The following SULT1E1 variants were observed in gnomAD, a reference collection of about 807,000 sequenced individuals.
SULT1E1 encodes the protein sulfotransferase 1E1.
In SULT1E1, 36 loss-of-function variants were observed where a neutral mutation model predicts 33.6. The observed-to-expected ratio is 1.07, with a 90% confidence interval of 0.82 to 1.41. SULT1E1 has a LOEUF of 1.41. Among genes scored for constraint, SULT1E1 ranks in the 40% most tolerant of loss-of-function variants. The pLI is 0.00. For synonymous variants in SULT1E1, 121 were observed against 111.7 expected, an observed-to-expected ratio of 1.08 and a Z score of -0.53; for missense variants, 371 against 345.7, an observed-to-expected ratio of 1.07 and a Z score of -0.58.
intron 4 of SULT1E1, among the ~76,000 whole-genome samples, chr4:69,849,914 T>G (rs565058519): frequency 6.6e-6 from 1 of 152,000 alleles, no homozygotes; most frequent in Admixed American, 6.6e-5. Context: ...TGAAATTTAG[T>G]GATAATATAG....
At chr4:69,846,305 C>CAAAAAAAAAAA (rs34408656) in intron 6 of SULT1E1, among the ~76,000 whole-genome samples, 581 of 106,466 alleles carry the variant, frequency 5.5e-3, no homozygotes, top group Middle Eastern at 0.023. Context: ...ACAAAACAAT[C>CAAAAAAAAAAA]AAAAAAAAAA....
chr4:69,821,663 C>T, the SULT1E1 span, among the ~76,000 whole-genome samples: 1 of 152,210 alleles, frequency 6.6e-6, no homozygotes, highest in Non-Finnish European at 1.5e-5. Context: ...CAATCCTTAG[C>T]AGGATGCTCT....
At chr4:69,859,587 G>A (rs1452885124) in intron 1 of SULT1E1, among the ~76,000 whole-genome samples, 1 of 152,050 alleles carries the variant, frequency 6.6e-6, no homozygotes, top group Non-Finnish European at 1.5e-5. Context: ...ATATGTCAAT[G>A]ACCTACATAT....
chr4:69,851,678 T>C (rs1214094805), intron 4 of SULT1E1, among the ~76,000 whole-genome samples: 2 of 152,200 alleles, frequency 1.3e-5, no homozygotes, highest in Non-Finnish European at 2.9e-5. Flanking sequence ...TGAACACGTA[T>C]GTTTATTGTG....
intron 5 of SULT1E1, 38 bp downstream of exon 5, chr4:69,849,389 TCTTATAAAAC>T: frequency 6.3e-7 from 1 of 1,591,676 alleles, no homozygotes; most frequent in East Asian, 2.2e-5. Context: ...ATGGCATTTG[TCTTATAAAAC>T]CTTGAAAAAA....
At chr4:69,856,934 T>TAA (rs1721252965) in intron 2 of SULT1E1, among the ~76,000 whole-genome samples, 1 of 12,230 alleles carries the variant, frequency 8.2e-5, no homozygotes, top group East Asian at 1.9e-3. Context: ...AGACTCCGTC[T>TAA]CAAAAAAAAA....
intron 3 of SULT1E1, among the ~76,000 whole-genome samples, chr4:69,854,666 A>T (rs1362374184): frequency 6.6e-6 from 1 of 152,042 alleles, no homozygotes; most frequent in African/African-American, 2.4e-5. Flanking sequence ...ATAAAATGAA[A>T]TAAAATTTCA....
chr4:69,848,087 GGTGTGTGT>G lies in SULT1E1; in HGVS notation c.497-303_497-296del, dbSNP rs3077575. 7.1e-3 allele frequency among the ~76,000 whole-genome samples: 1,051 copies of G among 148,374 alleles called. 8 individuals are homozygous for G. The highest frequency in any genetic ancestry group is 0.025 in the African/African-American group (1,005 of 40,710). ...AGCTTATGAGAAAATTGTTGAAACT[GGTGTGTGT>G]GTGTGTGTGTGTGTGTGTGTGTAGA... On this transcript the variant is annotated intron_variant, in intron 5 of 7. Transcript: ENST00000226444.
chr4:69,831,550 C>G, the SULT1E1 span, among the ~76,000 whole-genome samples: 4 of 152,172 alleles, frequency 2.6e-5, no homozygotes, highest in Non-Finnish European at 5.9e-5. Context: ...ACAGAGAGTT[C>G]TCAACCTTTG....
chr4:69,842,203 T>G (rs1720897507), intron 7 of SULT1E1, 97 bp from the exon 8 acceptor site: 1 of 680,690 alleles, frequency 1.5e-6, no homozygotes, highest in African/African-American at 1.9e-5. Context: ...TAATCAAATA[T>G]TATACTTGTA....
chr4:69,823,167 T>C, the SULT1E1 span, among the ~76,000 whole-genome samples: 4 of 152,164 alleles, frequency 2.6e-5, no homozygotes, highest in Non-Finnish European at 4.4e-5. Context: ...GTTTTGTTTA[T>C]ATACCTACTC....
At chr4:69,832,574 C>T in the SULT1E1 span, among the ~76,000 whole-genome samples, 1 of 152,112 alleles carries the variant, frequency 6.6e-6, no homozygotes, top group South Asian at 2.1e-4. Context: ...CAGGCTATGC[C>T]AGGCATATAA....
chr4:69,825,086 G>A, the SULT1E1 span, among the ~76,000 whole-genome samples: 16 of 152,142 alleles, frequency 1.1e-4, no homozygotes, highest in South Asian at 3.3e-3. Context: ...ACCTTTAAGA[G>A]CTGTAACACT....
chr4:69,831,483 C>G, the SULT1E1 span, among the ~76,000 whole-genome samples: 2 of 152,152 alleles, frequency 1.3e-5, no homozygotes, highest in Non-Finnish European at 2.9e-5. Context: ...CTATTGTCTC[C>G]CTATCTATAA....
At chr4:69,847,966 T>G (rs551120685) in intron 5 of SULT1E1, among the ~76,000 whole-genome samples, 174 bp from the exon 6 acceptor site, 9 of 151,888 alleles carry the variant, frequency 5.9e-5, no homozygotes, top group Non-Finnish European at 8.9e-5. Flanking sequence ...CAAAGTATGT[T>G]AAATAATCTA....
Position 69,843,818 on chromosome 4 carries a change from C to T in SULT1E1, c.772+343G>A, listed in dbSNP as rs191022594. ...AAGAGAGAGGAATAAAATCTTTCTG[C>T]GGAATTTCTGGTTAGAACTTAAAGG... is the stretch of plus-strand genomic sequence containing the variant. On this transcript the variant is annotated intron_variant, in intron 7 of 7. Transcript: ENST00000226444. Among the ~76,000 whole-genome samples, 43 of 152,228 alleles carry T rather than the reference C, an allele frequency of 2.8e-4. 1 individual carries two copies. In the South Asian group the frequency reaches 8.1e-3, roughly 29 times the overall value.
At chr4:69,842,410 C>T (rs1023430516) in intron 7 of SULT1E1, among the ~76,000 whole-genome samples, 2 of 152,154 alleles carry the variant, frequency 1.3e-5, no homozygotes, top group African/African-American at 4.8e-5. Context: ...CCATGTTTTA[C>T]CCACTCTCAA....
chr4:69,857,048 G>A (rs1416735713), intron 2 of SULT1E1, among the ~76,000 whole-genome samples: 1 of 151,380 alleles, frequency 6.6e-6, no homozygotes, highest in Admixed American at 6.6e-5. Flanking sequence ...ATTCGGACTA[G>A]TCTAATTTCT....
At chr4:69,838,786 G>A (rs1720835253), downstream of SULT1E1, among the ~76,000 whole-genome samples, 1 of 151,986 alleles carries the variant, frequency 6.6e-6, no homozygotes, top group African/African-American at 2.4e-5. Context: ...ATACAAAAGG[G>A]GAATTACCTG....
Sources: allele counts gnomAD v4.1 joint callset (sites outside exome capture counted in the v4.1 genomes callset), GRCh38; gene constraint gnomAD v4.1.1; transcripts MANE v1.5; gene names NCBI Gene and HGNC (gene_info 2026-07-23, HGNC 2026-07-21).